The following ZFYVE9 variants were observed in gnomAD, a reference collection of about 807,000 sequenced individuals.
ZFYVE9 encodes zinc finger FYVE-type containing 9, also known as zinc finger FYVE domain-containing protein 9.
A neutral mutation model predicts 126.7 loss-of-function variants in ZFYVE9; 43 were observed. The observed-to-expected ratio is 0.34, with a 90% CI of 0.27 to 0.44. The LOEUF (loss-of-function observed/expected upper bound fraction) is 0.44. ZFYVE9 is among the 20% of genes least tolerant of loss of function. ZFYVE9 has a pLI of 1.00. For missense variants in ZFYVE9, 1,476 were observed against 1,697.0 expected (o/e 0.87, Z 2.29); for synonymous variants, 521 against 597.4 (o/e 0.87, Z 1.87).
intron 13 of ZFYVE9, among the ~76,000 whole-genome samples, chr1:52,319,453 C>T (rs943500921): frequency 2.3e-4 from 35 of 151,814 alleles, no homozygotes; most frequent in Non-Finnish European, 1.2e-4. Flanking sequence ...GGTGAAACCC[C>T]ATCTCTACTA....
intron 1 of ZFYVE9, among the ~76,000 whole-genome samples, chr1:52,164,556 CTGTT>C (rs1338837329): frequency 6.6e-6 from 1 of 152,118 alleles, no homozygotes; most frequent in Admixed American, 6.6e-5. Flanking sequence ...ATCTATCTAT[CTGTT>C]TGCACCGAGC....
chr1:52,301,930 T>C (rs915776407), intron 12 of ZFYVE9, among the ~76,000 whole-genome samples: 5 of 152,216 alleles, frequency 3.3e-5, no homozygotes, highest in Non-Finnish European at 7.3e-5. Context: ...TAATCTTTTA[T>C]TTTGGTTTAA....
chr1:52,271,193 AAGTCTAGT>A (rs1465021256), intron 7 of ZFYVE9, among the ~76,000 whole-genome samples: 3 of 152,178 alleles, frequency 2.0e-5, no homozygotes, highest in Non-Finnish European at 4.4e-5. Context: ...AGAATGAGGA[AAGTCTAGT>A]GAGTGAATGT....
At chr1:52,241,472 C>G (rs1035715758) in intron 4 of ZFYVE9, among the ~76,000 whole-genome samples, 1 of 152,138 alleles carries the variant, frequency 6.6e-6, no homozygotes, top group Non-Finnish European at 1.5e-5. Flanking sequence ...GTAACACTTT[C>G]TGAAGTGTTT....
intron 1 of ZFYVE9, among the ~76,000 whole-genome samples, chr1:52,201,581 G>T (rs1053144110): frequency 2.6e-5 from 4 of 151,626 alleles, no homozygotes; most frequent in Non-Finnish European, 4.4e-5. Flanking sequence ...GTTTCACTCT[G>T]TTGGCCAGGC....
rs1296696151 is a variant in ZFYVE9 at position 52,340,914 on chromosome 1, A to C, written c.3939+683A>C. On this transcript the variant is annotated intron_variant, in intron 17 of 18. Transcript: ENST00000287727. ...AGCAAGACTCCGTCTCAAAAAAAAA[A>C]AAAAAAAAAAAAAAAAAAACTAGGC... Among the ~76,000 whole-genome samples, 919 of 131,668 alleles carry C rather than the reference A, an allele frequency of 7.0e-3. 11 individuals carry two copies. The highest frequency in any genetic ancestry group is 8.5e-3 in the Non-Finnish European group (574 of 67,164). 86.4% of individuals were successfully genotyped at this position (131,668 alleles called of 152,430 possible).
chr1:52,222,684 C>G (rs1294431382), intron 2 of ZFYVE9, among the ~76,000 whole-genome samples: 1 of 152,196 alleles, frequency 6.6e-6, no homozygotes, highest in African/African-American at 2.4e-5. Context: ...TTTGTTTTTA[C>G]TGCTTCCCTG....
At chr1:52,324,595 A>G (rs769368761) in intron 13 of ZFYVE9, among the ~76,000 whole-genome samples, 1 of 152,114 alleles carries the variant, frequency 6.6e-6, no homozygotes, top group African/African-American at 2.4e-5. Flanking sequence ...TCCCCTAGAC[A>G]GTGTCACTGT....
intron 1 of ZFYVE9, among the ~76,000 whole-genome samples, chr1:52,159,944 C>T (rs578221983): frequency 6.9e-4 from 105 of 151,892 alleles, no homozygotes; most frequent in African/African-American, 2.3e-3. Flanking sequence ...TACAGGCACC[C>T]GCCACCATGC....
Position 52,256,743 on chromosome 1 carries a change from G to C in ZFYVE9, c.2179-7030G>C, listed in dbSNP as rs148210571. ...AAACAGGTGTTTAGACAGAGGCAAGGGTCTGGATTTGTTTGAACTGCTTTA... is the reference window on the plus strand; with the variant it reads ...AAACAGGTGTTTAGACAGAGGCAAGCGTCTGGATTTGTTTGAACTGCTTTA... On this transcript the variant is annotated intron_variant, in intron 4 of 18. Coordinates refer to ENST00000287727, the MANE Select transcript of ZFYVE9 (RefSeq NM_004799.4). 7.1e-3 allele frequency among the ~76,000 whole-genome samples: 1,078 copies of C among 152,308 alleles called. 11 individuals are homozygous for C. Among genetic ancestry groups the C allele is most frequent in the African/African-American group, 0.025 (1,023 of 41,576 alleles).
At chr1:52,320,759 G>A (rs1646231366) in intron 13 of ZFYVE9, among the ~76,000 whole-genome samples, 1 of 152,154 alleles carries the variant, frequency 6.6e-6, no homozygotes, top group Non-Finnish European at 1.5e-5. Context: ...GGGGCTCAAG[G>A]AAATTTTGGG....
intron 13 of ZFYVE9, among the ~76,000 whole-genome samples, chr1:52,310,092 C>T (rs1220783504): frequency 1.3e-5 from 2 of 151,930 alleles, no homozygotes; most frequent in Admixed American, 1.3e-4. Flanking sequence ...CCACCTCAGC[C>T]TCCTGAGTAG....
intron 10 of ZFYVE9, among the ~76,000 whole-genome samples, chr1:52,288,714 C>T (rs184973593): frequency 6.6e-5 from 10 of 151,902 alleles, no homozygotes; most frequent in African/African-American, 2.4e-4. Flanking sequence ...CACTTGAGGT[C>T]GTGAGTTTGA....
chr1:52,265,592 G>GA (rs1164502275), intron 5 of ZFYVE9, among the ~76,000 whole-genome samples: 17 of 152,256 alleles, frequency 1.1e-4, no homozygotes, highest in Admixed American at 8.5e-4. Context: ...GAATCTTAAT[G>GA]TATTTGTGAT....
intron 1 of ZFYVE9, among the ~76,000 whole-genome samples, chr1:52,200,121 C>A (rs1011078493): frequency 2.6e-5 from 4 of 151,588 alleles, no homozygotes; most frequent in African/African-American, 9.7e-5. Flanking sequence ...TTCTCCCAGT[C>A]TGTGGCTTGT....
intron 1 of ZFYVE9, among the ~76,000 whole-genome samples, chr1:52,176,522 C>T (rs979207899): frequency 9.9e-5 from 15 of 152,212 alleles, no homozygotes; most frequent in African/African-American, 3.4e-4. Context: ...CTCTTCAAAG[C>T]TGTCAGACAG....
intron 1 of ZFYVE9, among the ~76,000 whole-genome samples, chr1:52,165,517 G>A (rs866976354): frequency 6.6e-6 from 1 of 152,116 alleles, no homozygotes; most frequent in African/African-American, 2.4e-5. Flanking sequence ...TGAGACCTGG[G>A]GGAAAATATG....
chr1:52,282,161 A>C (rs917105464), intron 10 of ZFYVE9, among the ~76,000 whole-genome samples: 1 of 152,200 alleles, frequency 6.6e-6, no homozygotes, highest in African/African-American at 2.4e-5. Context: ...ATATTTATTT[A>C]ATCATAGTGT....
At chr1:52,200,882 T>C (rs751282512) in intron 1 of ZFYVE9, among the ~76,000 whole-genome samples, 23 of 152,220 alleles carry the variant, frequency 1.5e-4, no homozygotes, top group Non-Finnish European at 2.8e-4. Flanking sequence ...AATTTGACAC[T>C]GTCTTGATTA....
Sources: gnomAD v4.1 joint callset for allele counts (sites outside exome capture counted in the v4.1 genomes callset) on GRCh38, gnomAD v4.1.1 for gene constraint, MANE v1.5 for transcripts, NCBI Gene and HGNC (gene_info 2026-07-23, HGNC 2026-07-21) for gene names.